Variants in AFAP1L2 observed in about 807,000 individuals in gnomAD.
AFAP1L2 encodes the protein actin filament-associated protein 1-like 2.
Under a neutral mutation model 99.3 loss-of-function variants are expected in AFAP1L2, and 46 were observed. The ratio of observed to expected loss-of-function variants is 0.46; its 90% CI spans 0.37 to 0.59. AFAP1L2 has a LOEUF of 0.59. Ranked by LOEUF, AFAP1L2 falls within the 20% of genes least tolerant of loss-of-function variation. The pLI is 0.00. For missense variants in AFAP1L2, 959 were observed against 1,034.9 expected (o/e 0.93, Z 1.01); for synonymous variants, 397 against 419.1 (o/e 0.95, Z 0.64).
intron 1 of AFAP1L2, among the ~76,000 whole-genome samples, chr10:114,361,082 C>T (rs1187549331): frequency 6.6e-6 from 1 of 152,102 alleles, no homozygotes; most frequent in Non-Finnish European, 1.5e-5. Context: ...GAGAAGAGAA[C>T]TTAGCAGGAA....
chr10:114,329,920 T>C (rs1277008253), intron 4 of AFAP1L2, among the ~76,000 whole-genome samples: 1 of 152,040 alleles, frequency 6.6e-6, no homozygotes, highest in Non-Finnish European at 1.5e-5. Context: ...TGAAAAACAG[T>C]GACAAAAATA....
At chr10:114,298,691 T>C (rs2040634240) in intron 16 of AFAP1L2, among the ~76,000 whole-genome samples, 1 of 152,138 alleles carries the variant, frequency 6.6e-6, no homozygotes, top group Non-Finnish European at 1.5e-5. Context: ...TCAATATTTT[T>C]TTAATTTTGA....
intron 1 of AFAP1L2, among the ~76,000 whole-genome samples, chr10:114,356,888 A>G (rs534050475): frequency 1.3e-5 from 2 of 152,352 alleles, no homozygotes; most frequent in South Asian, 4.1e-4. Flanking sequence ...AGAAGGCTCT[A>G]AAAAAGGAAA....
chr10:114,395,688 G>T (rs2057628152), intron 1 of AFAP1L2, among the ~76,000 whole-genome samples: 1 of 152,198 alleles, frequency 6.6e-6, no homozygotes, highest in African/African-American at 2.4e-5. Flanking sequence ...AGAAGGCTAA[G>T]ACAGTCCCCT....
intron 18 of AFAP1L2, 96 bp downstream of exon 18, chr10:114,296,882 G>T (rs534841291): frequency 1.3e-6 from 2 of 1,598,924 alleles, no homozygotes; most frequent in Admixed American, 3.3e-5. Context: ...CAGAGCTGGT[G>T]CCAAAAGCCA....
chr10:114,387,000 G>A (rs994307657), intron 1 of AFAP1L2, among the ~76,000 whole-genome samples: 1 of 152,188 alleles, frequency 6.6e-6, no homozygotes, highest in African/African-American at 2.4e-5. Flanking sequence ...AAGTGATCCT[G>A]TATCTAATTG....
At chr10:114,367,177 C>G (rs1006511573) in intron 1 of AFAP1L2, among the ~76,000 whole-genome samples, 2 of 152,170 alleles carry the variant, frequency 1.3e-5, no homozygotes, top group Admixed American at 6.5e-5. Flanking sequence ...CTTTGGGTGA[C>G]TTCCCATCTC....
chr10:114,314,159 T>A, intron 6 of AFAP1L2, 109 bp from the exon 7 acceptor site: 1 of 1,122,392 alleles, frequency 8.9e-7, no homozygotes, highest in Non-Finnish European at 1.3e-6. Flanking sequence ...GAGCCTGACT[T>A]AACCCAGCAA....
At chr10:114,400,910 C>CA (rs987060273) in intron 1 of AFAP1L2, among the ~76,000 whole-genome samples, 5 of 152,084 alleles carry the variant, frequency 3.3e-5, no homozygotes, top group Admixed American at 2.6e-4. Flanking sequence ...AACTTCAACA[C>CA]AAAAAAACCT....
chr10:114,298,240 T>G (rs7074803), intron 16 of AFAP1L2, among the ~76,000 whole-genome samples: 8,589 of 152,080 alleles, frequency 0.056, 804 homozygotes, highest in African/African-American at 0.19. Flanking sequence ...TAGCTGGACA[T>G]GGTGGCGGAT....
In AFAP1L2 at chr10:114,338,266, C is replaced by A. The variant is rs115320278; in HGVS notation, c.145+2337G>T. 6.6e-3 allele frequency among the ~76,000 whole-genome samples: 1,006 copies of A among 152,288 alleles called. 11 individuals are homozygous for A. The highest frequency in any genetic ancestry group is 0.023 in the African/African-American group (971 of 41,550). ...TGATGGCCAGGGCAGGTGGAGACTT[C>A]CCTTCCCTGGCAGGACTTGGCCTGT... On this transcript the variant is annotated intron_variant, in intron 2 of 18. Coordinates refer to ENST00000304129, the MANE Select transcript of AFAP1L2 (RefSeq NM_001001936.3).
intron 1 of AFAP1L2, among the ~76,000 whole-genome samples, chr10:114,358,839 C>A (rs779137452): frequency 6.6e-6 from 1 of 152,032 alleles, no homozygotes; most frequent in Non-Finnish European, 1.5e-5. Flanking sequence ...CGCTTGAACC[C>A]GGGAGGTGGA....
intron 1 of AFAP1L2, among the ~76,000 whole-genome samples, chr10:114,346,189 C>G (rs1242742294): frequency 6.6e-6 from 1 of 152,160 alleles, no homozygotes; most frequent in East Asian, 1.9e-4. Context: ...CCTTCCCTTC[C>G]TCTCTGGATC....
At chr10:114,290,190 G>T, downstream of AFAP1L2, 1 of 1,546,012 alleles carries the variant, frequency 6.5e-7, no homozygotes, top group East Asian at 2.5e-5. Context: ...GGGTCTTCGG[G>T]TCTAACCCAT....
intron 1 of AFAP1L2, among the ~76,000 whole-genome samples, chr10:114,388,470 A>G (rs1179001553): frequency 6.6e-6 from 1 of 152,014 alleles, no homozygotes; most frequent in East Asian, 1.9e-4. Context: ...AGTTACTCCC[A>G]CAACATCCTG....
intron 4 of AFAP1L2, among the ~76,000 whole-genome samples, chr10:114,326,338 C>G (rs182004799): frequency 6.6e-6 from 1 of 152,212 alleles, no homozygotes; most frequent in Admixed American, 6.5e-5. Flanking sequence ...CACTAGCTGC[C>G]TCATCCATTG....
downstream of AFAP1L2, among the ~76,000 whole-genome samples, chr10:114,291,911 G>T (rs1317121044): frequency 6.6e-6 from 1 of 152,148 alleles, no homozygotes; most frequent in Non-Finnish European, 1.5e-5. Flanking sequence ...GTGTGCAATG[G>T]GCCCAGGTCT....
At chr10:114,366,506 T>C (rs1352380258) in intron 1 of AFAP1L2, among the ~76,000 whole-genome samples, 1 of 152,022 alleles carries the variant, frequency 6.6e-6, no homozygotes, top group Non-Finnish European at 1.5e-5. Context: ...AGGAAGAAAA[T>C]ATACTCCACA....
rs184302427 is a variant in AFAP1L2, at chr10:114,339,504, A to G, written c.145+1099T>C. On this transcript the variant is annotated intron_variant, in intron 2 of 18. Transcript: ENST00000304129. ...TACTCGTGGGCTGCTGTGTCAAGTG[A>G]CCAGAGATTTCTGGGGCTCGGGCCC... Among the ~76,000 whole-genome samples the G allele has an allele frequency of 4.1e-3, 630 of 152,304 alleles. 2 individuals are homozygous for G. The highest frequency in any genetic ancestry group is 7.3e-3 in the Admixed American group (111 of 15,306).
Sources: gnomAD v4.1 joint callset for allele counts (sites outside exome capture counted in the v4.1 genomes callset) on GRCh38, gnomAD v4.1.1 for gene constraint, MANE v1.5 for transcripts, NCBI Gene and HGNC (gene_info 2026-07-23, HGNC 2026-07-21) for gene names.